PHLDB2: variants seen among roughly 807,000 people sequenced by gnomAD.
The protein encoded by PHLDB2 is pleckstrin homology-like domain family B member 2.
PHLDB2 carries 71 observed loss-of-function variants against 123.6 expected under a neutral mutation model. The ratio of observed to expected loss-of-function variants is 0.57; its 90% CI spans 0.47 to 0.70. The LOEUF (loss-of-function observed/expected upper bound fraction) is 0.70, where lower values mean the gene tolerates loss of function less well. Among genes scored for constraint, PHLDB2 ranks in the 30% least tolerant of loss-of-function variants. PHLDB2 has a pLI of 0.00. For missense variants in PHLDB2, 1,446 were observed against 1,519.5 expected (o/e 0.95, Z 0.80); for synonymous variants, 547 against 541.6 (o/e 1.01, Z -0.14).
intron 1 of PHLDB2, among the ~76,000 whole-genome samples, chr3:111,882,407 A>G (rs2065974660): frequency 6.6e-6 from 1 of 152,154 alleles, no homozygotes; most frequent in Admixed American, 6.5e-5. Context: ...GTTGCTTTTA[A>G]AACCAGAATT....
Position 111,974,568 on chromosome 3 carries a change from C to T in PHLDB2, c.*5C>T. On this transcript the variant is annotated 3_prime_UTR_variant, in exon 18 of 18. Transcript: ENST00000431670. ...TACACTCACTTCTTGTTGTAGTGAA[C>T]TGAGGCAACAGTCCACTTCAGGGCA... The T allele has an allele frequency of 6.2e-7, 1 of 1,608,900 alleles. No homozygotes were observed. The highest frequency in any genetic ancestry group is 8.5e-7 in the Non-Finnish European group (1 of 1,177,716).
chr3:111,948,762 A>G (rs1423480308), intron 9 of PHLDB2, among the ~76,000 whole-genome samples, 170 bp from the exon 10 acceptor site: 1 of 152,246 alleles, frequency 6.6e-6, no homozygotes, highest in Admixed American at 6.5e-5. Context: ...AGATTAAGCA[A>G]TGTAAATCCA....
chr3:111,915,076 T>C (rs1469872068), intron 3 of PHLDB2: 1 of 152,152 alleles, frequency 6.6e-6, no homozygotes, highest in Non-Finnish European at 1.5e-5. Flanking sequence ...AAAGCAGATA[T>C]GATATTCACA....
At chr3:111,959,541 C>T (rs1050388483) in intron 12 of PHLDB2, among the ~76,000 whole-genome samples, 4 of 152,318 alleles carry the variant, frequency 2.6e-5, no homozygotes, top group South Asian at 4.1e-4. Flanking sequence ...GAGATTCAGT[C>T]GTAGAGTCAA....
At chr3:111,799,643 T>G (rs1576644194) in intron 1 of PHLDB2, among the ~76,000 whole-genome samples, 1 of 152,198 alleles carries the variant, frequency 6.6e-6, no homozygotes, top group African/African-American at 2.4e-5. Flanking sequence ...ATTAAGTTTT[T>G]CTTAAAATCA....
intron 1 of PHLDB2, among the ~76,000 whole-genome samples, chr3:111,765,380 C>A (rs962528242): frequency 6.6e-6 from 1 of 152,182 alleles, no homozygotes; most frequent in Non-Finnish European, 1.5e-5. Flanking sequence ...CCTTCTGCCA[C>A]CCCCACAGGC....
chr3:111,908,981 G>A (rs2067712807), intron 2 of PHLDB2, among the ~76,000 whole-genome samples: 2 of 152,126 alleles, frequency 1.3e-5, no homozygotes, highest in Non-Finnish European at 2.9e-5. Context: ...AGGAAGAAAT[G>A]TGACCCATTT....
intron 12 of PHLDB2, among the ~76,000 whole-genome samples, chr3:111,956,677 C>CTGCT (rs887008877): frequency 1.3e-5 from 2 of 152,102 alleles, no homozygotes; most frequent in African/African-American, 4.8e-5. Context: ...AAAAGACAGC[C>CTGCT]TGCTGCCTTT....
intron 3 of PHLDB2, among the ~76,000 whole-genome samples, chr3:111,918,456 C>G (rs1367952314): frequency 1.3e-5 from 2 of 152,154 alleles, no homozygotes; most frequent in Non-Finnish European, 2.9e-5. Flanking sequence ...TAATTTAATA[C>G]TGAGTGTGTA....
chr3:111,910,275 C>A (rs763056552), intron 2 of PHLDB2, among the ~76,000 whole-genome samples: 1 of 151,476 alleles, frequency 6.6e-6, no homozygotes, highest in African/African-American at 2.4e-5. Flanking sequence ...ATGGGAATGG[C>A]GAAAAAAATA....
At chr3:111,890,949 G>A (rs538656430) in intron 2 of PHLDB2, among the ~76,000 whole-genome samples, 1 of 152,230 alleles carries the variant, frequency 6.6e-6, no homozygotes, top group East Asian at 1.9e-4. Context: ...CAGTTATCAA[G>A]CCTTGATTTG....
At chr3:111,915,493 A>T (rs1356512651) in intron 3 of PHLDB2, 1 of 152,122 alleles carries the variant, frequency 6.6e-6, no homozygotes, top group Non-Finnish European at 1.5e-5. Context: ...GCAGTGGTGC[A>T]ATCTAGGCTC....
chr3:111,736,670 G>A (rs1275152234), intron 1 of PHLDB2, among the ~76,000 whole-genome samples: 7 of 152,154 alleles, frequency 4.6e-5, no homozygotes, highest in African/African-American at 1.7e-4. Context: ...TGACTACACA[G>A]CCTGTTCTCA....
intron 1 of PHLDB2, among the ~76,000 whole-genome samples, chr3:111,819,598 T>C (rs2108391230): frequency 6.6e-6 from 1 of 152,288 alleles, no homozygotes; most frequent in Non-Finnish European, 1.5e-5. Flanking sequence ...ACAGAGAATT[T>C]TGAGAAGCTG....
At chr3:111,896,513 AT>A (rs2066878983) in intron 2 of PHLDB2, among the ~76,000 whole-genome samples, 1 of 151,924 alleles carries the variant, frequency 6.6e-6, no homozygotes, top group South Asian at 2.1e-4. Context: ...TACCTGGCTA[AT>A]TTTTGTATTT....
intron 1 of PHLDB2, among the ~76,000 whole-genome samples, chr3:111,771,233 C>T (rs944495581): frequency 3.3e-5 from 5 of 152,330 alleles, no homozygotes; most frequent in African/African-American, 1.2e-4. Context: ...GCAGCGTTGG[C>T]TCCTTCTGAG....
chr3:111,947,073 A>C (rs1016088772), intron 9 of PHLDB2, among the ~76,000 whole-genome samples: 6 of 152,194 alleles, frequency 3.9e-5, no homozygotes, highest in Admixed American at 3.3e-4. Flanking sequence ...AGTAGATGGT[A>C]AGCACCTTTT....
At chr3:111,784,821 A>G (rs2060617744) in intron 1 of PHLDB2, among the ~76,000 whole-genome samples, 1 of 152,176 alleles carries the variant, frequency 6.6e-6, no homozygotes, top group Non-Finnish European at 1.5e-5. Context: ...TTTTAACTAA[A>G]TAATAGTAAT....
intron 1 of PHLDB2, among the ~76,000 whole-genome samples, chr3:111,866,223 G>A (rs1240981707): frequency 6.6e-6 from 1 of 151,770 alleles, no homozygotes; most frequent in African/African-American, 2.4e-5. Context: ...TCGCCATATT[G>A]GCCAGGGTGG....
Sources: allele counts gnomAD v4.1 joint callset (sites outside exome capture counted in the v4.1 genomes callset), GRCh38; gene constraint gnomAD v4.1.1; transcripts MANE v1.5; gene names NCBI Gene and HGNC (gene_info 2026-07-23, HGNC 2026-07-21).